Variants in HYDIN observed in about 807,000 individuals in gnomAD.
HYDIN encodes axonemal central pair apparatus protein HYDIN.
A neutral mutation model predicts 403.9 loss-of-function variants in HYDIN; 132 were observed. The observed-to-expected ratio is 0.33, with a 90% CI of 0.28 to 0.38. The LOEUF is 0.38. HYDIN is among the 10% of genes least tolerant of loss of function. The pLI is 1.00. For missense variants in HYDIN, 2,827 were observed against 5,009.5 expected (o/e 0.56, Z 13.15); for synonymous variants, 1,202 against 1,891.7 (o/e 0.64, Z 9.46).
At chr16:70,881,771 T>C (rs1158088155) in intron 60 of HYDIN, among the ~76,000 whole-genome samples, 1 of 152,262 alleles carries the variant, frequency 6.6e-6, no homozygotes, top group African/African-American at 2.4e-5. Flanking sequence ...ACACCCTTGG[T>C]GACCTCCCCA....
intron 18 of HYDIN, among the ~76,000 whole-genome samples, chr16:71,036,098 A>G (rs886516): frequency 6.6e-6 from 1 of 152,238 alleles, no homozygotes; most frequent in African/African-American, 2.4e-5. Context: ...CCACATCCTC[A>G]TATCTTCCCC....
Position 70,937,138 on chromosome 16 carries a change from ATG to A in HYDIN, c.6996-1026_6996-1025del, listed in dbSNP as rs141908902. On this transcript the variant is annotated intron_variant, in intron 44 of 85. Transcript: ENST00000393567. ...TTTACTTCATGGTGTGTGTGTGTGC[ATG>A]TGTGTGTGTGTGTGTGCGCGTGTGT... Among the ~76,000 whole-genome samples the A allele has an allele frequency of 5.6e-3, 812 of 146,102 alleles. 11 individuals carry two copies. Among genetic ancestry groups the A allele is most frequent in the African/African-American group, 0.021 (778 of 37,232 alleles).
chr16:71,053,983 CTGACTT>C (rs1163464444), intron 18 of HYDIN, among the ~76,000 whole-genome samples: 1 of 152,232 alleles, frequency 6.6e-6, no homozygotes, highest in Non-Finnish European at 1.5e-5. Context: ...TGAGTGATGG[CTGACTT>C]TTATCATGCA....
In HYDIN at chr16:71,175,602, A is replaced by G. The variant is rs1182357044; in HGVS notation, c.516+5T>C. On this transcript the variant is annotated splice_donor_5th_base_variant and intron_variant, in intron 5 of 85. Coordinates refer to ENST00000393567, the MANE Select transcript of HYDIN (RefSeq NM_001270974.2). ...TGTCCAATTTCTTGCCATTCCTGGT[A>G]TTACCTTGTTCTCCTCTGGAGTAAA... 6.2e-7 allele frequency: 1 copy of G among 1,613,872 alleles called. No individual in the cohort carries two copies. The highest frequency in any genetic ancestry group is 2.2e-5 in the East Asian group (1 of 44,868).
At chr16:71,033,871 C>T (rs2080998712) in intron 18 of HYDIN, among the ~76,000 whole-genome samples, 1 of 151,754 alleles carries the variant, frequency 6.6e-6, no homozygotes. Flanking sequence ...AAAGACATTA[C>T]TCAGAAGTAC....
chr16:71,115,558 A>G, intron 10 of HYDIN, 138 bp downstream of exon 10: 2 of 546,900 alleles, frequency 3.7e-6, no homozygotes, highest in Non-Finnish European at 3.3e-6. Flanking sequence ...TAATTCCCCT[A>G]ATCAATATAA....
intron 7 of HYDIN, among the ~76,000 whole-genome samples, chr16:71,137,759 T>C (rs2084988713): frequency 6.6e-6 from 1 of 152,054 alleles, no homozygotes; most frequent in Non-Finnish European, 1.5e-5. Flanking sequence ...CCAACTATAC[T>C]TAAGAAGAGC....
chr16:70,955,214 T>G (rs2078195634), intron 40 of HYDIN, among the ~76,000 whole-genome samples, 161 bp downstream of exon 40: 1 of 151,694 alleles, frequency 6.6e-6, no homozygotes, highest in Non-Finnish European at 1.5e-5. Context: ...GAATGCTTCG[T>G]GAAGAGAATT....
At chr16:71,209,200 T>A (rs974873016) in intron 1 of HYDIN, among the ~76,000 whole-genome samples, 1 of 149,596 alleles carries the variant, frequency 6.7e-6, no homozygotes, top group Non-Finnish European at 1.5e-5. Flanking sequence ...TCCACCACCA[T>A]CTAGTAGGCT....
At chr16:71,125,192 C>T (rs901359088) in intron 9 of HYDIN, among the ~76,000 whole-genome samples, 2 of 152,210 alleles carry the variant, frequency 1.3e-5, no homozygotes, top group Non-Finnish European at 2.9e-5. Flanking sequence ...ATTTCCTTTT[C>T]GCTCTGCTCT....
chr16:70,956,348 A>C (rs1373537137), intron 39 of HYDIN, among the ~76,000 whole-genome samples: 2 of 152,202 alleles, frequency 1.3e-5, no homozygotes, highest in Admixed American at 6.5e-5. Flanking sequence ...TAGTACCGTT[A>C]GCCTATGGTC....
chr16:70,956,776 T>G (rs981320201), intron 39 of HYDIN, among the ~76,000 whole-genome samples: 8 of 152,116 alleles, frequency 5.3e-5, no homozygotes, highest in Non-Finnish European at 2.9e-5. Context: ...CATTTTAGAC[T>G]TCTGTCCTCC....
chr16:70,993,603 T>G (rs2144050529), intron 23 of HYDIN, among the ~76,000 whole-genome samples: 1 of 150,910 alleles, frequency 6.6e-6, no homozygotes, highest in South Asian at 2.1e-4. Flanking sequence ...ATTTCTAGCT[T>G]TTAGATACTA....
At chr16:71,225,876 C>T (rs1390554334) in intron 1 of HYDIN, among the ~76,000 whole-genome samples, 1 of 152,124 alleles carries the variant, frequency 6.6e-6, no homozygotes, top group Non-Finnish European at 1.5e-5. Flanking sequence ...GCAAAAGTTG[C>T]ATGTTAAAAA....
chr16:71,062,564 T>A, intron 16 of HYDIN: 1 of 453,064 alleles, frequency 2.2e-6, no homozygotes, highest in Non-Finnish European at 3.9e-6. Flanking sequence ...TGCAGAATTA[T>A]CCGCAACTCA....
chr16:70,909,722 G>A (rs1454628715), intron 47 of HYDIN, among the ~76,000 whole-genome samples: 2 of 118,070 alleles, frequency 1.7e-5, no homozygotes, highest in African/African-American at 6.6e-5. Flanking sequence ...TTGAGATAGA[G>A]TCTCGCTTTG....
chr16:71,066,991 T>C, intron 15 of HYDIN: 1 of 670,344 alleles, frequency 1.5e-6, no homozygotes, highest in South Asian at 1.6e-5. Context: ...TGCTAAAACC[T>C]TTCTGGTTAC....
chr16:70,902,818 TATA>T (rs1327033676), intron 52 of HYDIN, among the ~76,000 whole-genome samples: 2 of 28,062 alleles, frequency 7.1e-5, no homozygotes, highest in South Asian at 1.1e-3. Context: ...TATATATATA[TATA>T]TTTTTTTTTT....
intron 5 of HYDIN, among the ~76,000 whole-genome samples, chr16:71,175,190 C>T (rs1567409398): frequency 6.6e-6 from 1 of 151,742 alleles, no homozygotes. Context: ...ACCACCACTA[C>T]CACTATCAAT....
Sources: gnomAD v4.1 joint callset for allele counts (sites outside exome capture counted in the v4.1 genomes callset) on GRCh38, gnomAD v4.1.1 for gene constraint, MANE v1.5 for transcripts, NCBI Gene and HGNC (gene_info 2026-07-23, HGNC 2026-07-21) for gene names.